Variants in CMIP observed in about 807,000 individuals in gnomAD.
The protein encoded by CMIP is c-Maf inducing protein, also known as C-Maf-inducing protein.
Under a neutral mutation model 97.3 loss-of-function variants are expected in CMIP, and 13 were observed. The observed-to-expected ratio is 0.13, with a 90% confidence interval of 0.09 to 0.21. CMIP has a LOEUF of 0.21. Among genes scored for constraint, CMIP ranks in the 10% least tolerant of loss-of-function variants. The pLI, the probability that CMIP is intolerant of heterozygous loss-of-function variation, is 1.00. For missense variants in CMIP, 847 were observed against 1,024.9 expected (o/e 0.83, Z 2.37); for synonymous variants, 538 against 436.3 (o/e 1.23, Z -2.91).
At chr16:81,496,593 C>T (rs1480731663) in intron 1 of CMIP, among the ~76,000 whole-genome samples, 4 of 152,174 alleles carry the variant, frequency 2.6e-5, no homozygotes, top group Admixed American at 6.5e-5. Flanking sequence ...AAGTGGGGTG[C>T]GGGAGAGCTC....
At chr16:81,561,350 C>A (rs2911275) in intron 1 of CMIP, among the ~76,000 whole-genome samples, 41,563 of 152,012 alleles carry the variant, frequency 0.27, 6,271 homozygotes, top group African/African-American at 0.39. Context: ...GGTGTCCTTT[C>A]CTGGGTTCAG....
chr16:81,450,038 A>G (rs189750367), intron 1 of CMIP, among the ~76,000 whole-genome samples: 1 of 152,302 alleles, frequency 6.6e-6, no homozygotes, highest in Admixed American at 6.5e-5. Flanking sequence ...TGGCCCACAG[A>G]TTGACTGATG....
At chr16:81,545,604 A>C (rs2090531144) in intron 1 of CMIP, among the ~76,000 whole-genome samples, 1 of 152,160 alleles carries the variant, frequency 6.6e-6, no homozygotes, top group Non-Finnish European at 1.5e-5. Context: ...GAGAGAAGTG[A>C]CTTGGTCCAG....
intron 11 of CMIP, 84 bp downstream of exon 11, chr16:81,691,924 CATGTT>C (rs1054748559): frequency 8.3e-7 from 1 of 1,204,106 alleles, no homozygotes; most frequent in African/African-American, 1.5e-5. Flanking sequence ...GGGGGCCAGT[CATGTT>C]ATGGGGAAGC....
intron 3 of CMIP, among the ~76,000 whole-genome samples, chr16:81,634,099 C>G (rs560431862): frequency 6.6e-6 from 1 of 152,338 alleles, no homozygotes; most frequent in African/African-American, 2.4e-5. Flanking sequence ...TGCCAGTCTT[C>G]AGTTTCACAA....
chr16:81,684,772 C>T (rs984036535), intron 10 of CMIP, among the ~76,000 whole-genome samples: 12 of 152,362 alleles, frequency 7.9e-5, no homozygotes, highest in African/African-American at 2.6e-4. Flanking sequence ...CAGGCACCTG[C>T]CTGCTTGTCC....
At chr16:81,686,937 G>A (rs1214121834) in intron 10 of CMIP, among the ~76,000 whole-genome samples, 3 of 152,078 alleles carry the variant, frequency 2.0e-5, no homozygotes, top group Admixed American at 1.3e-4. Flanking sequence ...GGCCTCTCCC[G>A]TGGGTGGTGC....
At chr16:81,707,415 C>T (rs1017333603) in intron 20 of CMIP, among the ~76,000 whole-genome samples, 4 of 152,134 alleles carry the variant, frequency 2.6e-5, no homozygotes, top group African/African-American at 4.8e-5. Context: ...AAGAGATGGG[C>T]GAGGCCTGGC....
At chr16:81,662,297 C>G (rs1032543070) in intron 6 of CMIP, among the ~76,000 whole-genome samples, 3 of 152,196 alleles carry the variant, frequency 2.0e-5, no homozygotes, top group Non-Finnish European at 2.9e-5. Context: ...TGTTGTAGAA[C>G]AAGATACACT....
intron 1 of CMIP, among the ~76,000 whole-genome samples, chr16:81,594,494 C>A (rs552320763): frequency 2.0e-5 from 3 of 152,086 alleles, no homozygotes; most frequent in Non-Finnish European, 4.4e-5. Flanking sequence ...AGCAGTCCCC[C>A]CTTTCCCATG....
At chr16:81,497,405 A>T (rs530034038) in intron 1 of CMIP, among the ~76,000 whole-genome samples, 9 of 152,312 alleles carry the variant, frequency 5.9e-5, no homozygotes, top group Non-Finnish European at 1.2e-4. Context: ...CCAAGAGGCC[A>T]CTTAGAGCTG....
rs140331561 is a variant in CMIP, at chr16:81,586,953, C to T, written c.301-20614C>T. 1.8e-4 allele frequency among the ~76,000 whole-genome samples: 27 copies of T among 152,278 alleles called. 1 individual carries two copies. The East Asian group carries it at 5.0e-3, about 28-fold the overall frequency. The stretch of plus-strand genomic sequence containing the variant: ...CGCTGGATTCAAATCTGGGGTGTTC[C>T]GGAATTCTAGGTATTCACCTAAGTC... On this transcript the variant is annotated intron_variant, in intron 1 of 20. Coordinates refer to ENST00000537098, the MANE Select transcript of CMIP (RefSeq NM_198390.3).
intron 9 of CMIP, among the ~76,000 whole-genome samples, chr16:81,677,748 C>T (rs957131793): frequency 4.6e-5 from 7 of 152,116 alleles, no homozygotes; most frequent in East Asian, 1.9e-4. Context: ...GTGGGGGTTC[C>T]GCAGACAGAA....
chr16:81,532,411 A>C (rs901518629), intron 1 of CMIP, among the ~76,000 whole-genome samples: 1 of 152,174 alleles, frequency 6.6e-6, no homozygotes, highest in African/African-American at 2.4e-5. Flanking sequence ...AAATTTCCTG[A>C]ATGACCTTTC....
At chr16:81,599,780 G>A (rs1331427475) in intron 1 of CMIP, among the ~76,000 whole-genome samples, 1 of 152,184 alleles carries the variant, frequency 6.6e-6, no homozygotes, top group African/African-American at 2.4e-5. Flanking sequence ...TCTGTAGCAT[G>A]TGGATAACAG....
chr16:81,507,982 C>A (rs8063007), intron 1 of CMIP, among the ~76,000 whole-genome samples: 22,067 of 152,134 alleles, frequency 0.15, 1,901 homozygotes, highest in East Asian at 0.27. Flanking sequence ...TTTTCCCAGG[C>A]TTTTAGTAGA....
At chr16:81,633,563 G>T (rs958186406) in intron 3 of CMIP, among the ~76,000 whole-genome samples, 1 of 152,246 alleles carries the variant, frequency 6.6e-6, no homozygotes, top group African/African-American at 2.4e-5. Flanking sequence ...GATGCAGAAC[G>T]ACTAGGGCCC....
chr16:81,605,222 C>A (rs144908395), intron 1 of CMIP, among the ~76,000 whole-genome samples: 170 of 152,276 alleles, frequency 1.1e-3, no homozygotes, highest in African/African-American at 3.8e-3. Context: ...AAGGGCAGGC[C>A]CACGAGTGTG....
At chr16:81,577,165 CATT>C (rs1462815175) in intron 1 of CMIP, among the ~76,000 whole-genome samples, 4 of 144,868 alleles carry the variant, frequency 2.8e-5, no homozygotes, top group Non-Finnish European at 3.0e-5. Context: ...ATTACCACTA[CATT>C]ATTATCACTA....
Sources: gnomAD v4.1 joint callset for allele counts (sites outside exome capture counted in the v4.1 genomes callset) on GRCh38, gnomAD v4.1.1 for gene constraint, MANE v1.5 for transcripts, NCBI Gene and HGNC (gene_info 2026-07-23, HGNC 2026-07-21) for gene names.